The following MED30 variants were observed in gnomAD, a reference collection of about 807,000 sequenced individuals.
MED30 encodes the protein mediator complex subunit 30, also known as mediator of RNA polymerase II transcription subunit 30.
In MED30, 8 loss-of-function variants were observed where a neutral mutation model predicts 21.7. That is an observed-to-expected ratio of 0.37 (90% CI 0.22 to 0.67). The LOEUF is 0.67. Among genes scored for constraint, MED30 ranks in the 30% least tolerant of loss-of-function variants. MED30 has a pLI of 0.58. For missense variants in MED30, 203 were observed against 228.2 expected (o/e 0.89, Z 0.71); for synonymous variants, 79 against 86.7 (o/e 0.91, Z 0.49).
chr8:117,531,508 TC>T, intron 3 of MED30, among the ~76,000 whole-genome samples: 1 of 152,120 alleles, frequency 6.6e-6, no homozygotes, highest in Admixed American at 6.5e-5. Flanking sequence ...GTATTAATAA[TC>T]CACCACTGCC....
chr8:117,531,704 A>T (rs556905760), intron 3 of MED30, among the ~76,000 whole-genome samples: 13 of 151,738 alleles, frequency 8.6e-5, no homozygotes, highest in Admixed American at 5.9e-4. Context: ...TTTTTTTTTT[A>T]AATCTTTTTC....
intron 3 of MED30, among the ~76,000 whole-genome samples, chr8:117,534,560 G>A (rs1818839406): frequency 6.6e-6 from 1 of 152,108 alleles, no homozygotes; most frequent in African/African-American, 2.4e-5. Flanking sequence ...ATCAGTTTAG[G>A]TGTTTTAAAT....
chr8:117,538,524 C>A (rs1296342595), intron 3 of MED30, among the ~76,000 whole-genome samples: 1 of 151,924 alleles, frequency 6.6e-6, no homozygotes, highest in Non-Finnish European at 1.5e-5. Flanking sequence ...ATTGTTAGGC[C>A]TCTTTTTAAT....
intron 1 of MED30, among the ~76,000 whole-genome samples, chr8:117,527,074 G>A (rs371517692): frequency 1.3e-5 from 2 of 151,878 alleles, no homozygotes; most frequent in Admixed American, 6.6e-5. Context: ...GAAAATATGG[G>A]CAAAGTATTA....
At chr8:117,535,158 G>A (rs1818854225) in intron 3 of MED30, among the ~76,000 whole-genome samples, 1 of 149,676 alleles carries the variant, frequency 6.7e-6, no homozygotes, top group Non-Finnish European at 1.5e-5. Context: ...TAAGCTCTGT[G>A]TCTCCATTCT....
chr8:117,538,054 G>A (rs1301782798), intron 3 of MED30, among the ~76,000 whole-genome samples: 1 of 152,148 alleles, frequency 6.6e-6, no homozygotes, highest in Non-Finnish European at 1.5e-5. Context: ...TCTCTGTGAT[G>A]AAAAAGACTT....
intron 1 of MED30, among the ~76,000 whole-genome samples, chr8:117,525,567 C>T (rs1000944124): frequency 6.6e-6 from 1 of 151,954 alleles, no homozygotes; most frequent in Admixed American, 6.6e-5. Context: ...AGGTCTTCCC[C>T]ACTCAAATTA....
intron 3 of MED30, among the ~76,000 whole-genome samples, chr8:117,538,239 C>T (rs577492755): frequency 2.6e-5 from 4 of 152,178 alleles, no homozygotes; most frequent in South Asian, 4.1e-4. Flanking sequence ...TTTTGTTTCC[C>T]GAAGACTGTG....
intron 3 of MED30, among the ~76,000 whole-genome samples, chr8:117,535,442 G>T (rs1232653610): frequency 6.6e-6 from 1 of 151,758 alleles, no homozygotes; most frequent in Non-Finnish European, 1.5e-5. Context: ...TGTTGGTCAG[G>T]CTGGTCTCAA....
rs147709204 is a variant in MED30 at position 117,539,162 on chromosome 8, G to A, written c.442-721G>A. 2.0e-5 allele frequency among the ~76,000 whole-genome samples: 3 copies of A among 152,236 alleles called. No homozygotes were observed. In the East Asian group the frequency reaches 5.8e-4, roughly 29 times the overall value. On this transcript the variant is annotated intron_variant, in intron 3 of 3. Transcript: ENST00000297347. ...TTTCTGATGTGGAAACTAAAGTACC[G>A]GGAGGTTAAATAATTAGGTCAGTGT...
intron 1 of MED30, among the ~76,000 whole-genome samples, 169 bp from the exon 2 acceptor site, chr8:117,528,482 T>A (rs549841280): frequency 6.6e-6 from 1 of 151,976 alleles, no homozygotes; most frequent in East Asian, 1.9e-4. Flanking sequence ...TGTTAATAAA[T>A]GGGCATGCAT....
chr8:117,532,155 T>C (rs1818800880), intron 3 of MED30, among the ~76,000 whole-genome samples: 1 of 151,988 alleles, frequency 6.6e-6, no homozygotes, highest in East Asian at 1.9e-4. Flanking sequence ...GCAATACATA[T>C]TATAAAAATA....
intron 3 of MED30, among the ~76,000 whole-genome samples, chr8:117,535,165 T>C (rs1818854326): frequency 6.6e-6 from 1 of 151,958 alleles, no homozygotes; most frequent in Non-Finnish European, 1.5e-5. Flanking sequence ...TGTGTCTCCA[T>C]TCTAGAATAT....
Position 117,520,825 on chromosome 8 carries a change from AC to A in MED30, c.-48del, listed in dbSNP as rs1818596002. 1 of 1,485,474 alleles carries A rather than the reference AC, an allele frequency of 6.7e-7. No homozygotes were observed. The highest frequency in any genetic ancestry group is 2.3e-5 in the Admixed American group (1 of 44,296). The allele number at this position is 1,485,474 out of a possible 1,614,324, so 92.0% of individuals were successfully genotyped here. A position where few individuals can be genotyped will look rare whatever the true frequency, so the allele number is the denominator to read the frequency against. On this transcript the variant is annotated 5_prime_UTR_variant, in exon 1 of 4. Transcript: ENST00000297347. The stretch of plus-strand genomic sequence containing the variant: ...CCCACAGCCTCCCAATTCCGGGCAG[AC>A]CCCTGACACCTGCTGTCTGGCCCCT...
rs1430789926 is a variant in MED30, at chr8:117,520,777, C to G, written c.-100C>G. On this transcript the variant is annotated 5_prime_UTR_variant, in exon 1 of 4. Coordinates refer to ENST00000297347, the MANE Select transcript of MED30 (RefSeq NM_080651.4). The stretch of plus-strand genomic sequence containing the variant: ...TGAAATCGGGCCGCGGGGGGTCTCT[C>G]AAGCTGGTTCCAACGCTGAGGCCCC... The G allele has an allele frequency of 1.6e-6, 2 of 1,269,902 alleles. No individual in the cohort carries two copies. Among genetic ancestry groups the G allele is most frequent in the African/African-American group, 3.1e-5 (2 of 64,788 alleles). The allele number at this position is 1,269,902 out of a possible 1,614,324, so 78.7% of individuals were successfully genotyped here.
chr8:117,528,756 G>T lies in MED30; in HGVS notation c.283G>T (p.Val95Leu). 2 of 1,609,582 alleles carry T rather than the reference G, an allele frequency of 1.2e-6. No individual in the cohort carries two copies. Among genetic ancestry groups the T allele is most frequent in the South Asian group, 2.2e-5 (2 of 90,348 alleles). Residue 95 changes from valine to leucine, a missense_variant, in exon 2 of 4, where the codon GTA becomes TTA. Val to Leu is a conservative substitution (Grantham distance 32, BLOSUM62 1). Transcript: ENST00000297347. Reference protein sequence around the residue: ...LSVLFRKLRLVYDKCNENCGG... With the variant: ...LSVLFRKLRLLYDKCNENCGG... ...AGTTCTCTTCAGGAAGCTGAGATTG[G>T]TATATGACAAATGCAATGAAAACTG... is the stretch of plus-strand genomic sequence containing the variant.
chr8:117,539,073 A>G (rs1304366500), intron 3 of MED30, among the ~76,000 whole-genome samples: 1 of 152,260 alleles, frequency 6.6e-6, no homozygotes, highest in Non-Finnish European at 1.5e-5. Flanking sequence ...AATACTTGAC[A>G]TGAATCAGAC....
Position 117,539,892 on chromosome 8 carries a change from C to G in MED30, c.451C>G (p.Gln151Glu). Residue 151 changes from glutamine to glutamate, a missense_variant, in exon 4 of 4, where the codon CAG becomes GAG. By Grantham distance (29) the Gln-to-Glu change is conservative (BLOSUM62 2). Coordinates refer to ENST00000297347, the MANE Select transcript of MED30 (RefSeq NM_080651.4). ...TCTTTTGTTTCTACAGAAACTCAAA[C>G]AGAAGAATCAACAGCTGAAACAAAT... ...EIAEVNKKLK[Q>E]KNQQLKQIMD... is the part of the protein sequence containing the mutation. 1.3e-6 allele frequency: 2 copies of G among 1,598,516 alleles called. No individual in the cohort carries two copies. Among genetic ancestry groups the G allele is most frequent in the Non-Finnish European group, 1.7e-6 (2 of 1,169,910 alleles).
intron 1 of MED30, among the ~76,000 whole-genome samples, chr8:117,527,781 G>T (rs1239875454): frequency 1.3e-5 from 2 of 151,502 alleles, no homozygotes; most frequent in East Asian, 3.9e-4. Flanking sequence ...ACTAGAAAAC[G>T]TGGTACTGTG....
Sources: gnomAD v4.1 joint callset for allele counts (sites outside exome capture counted in the v4.1 genomes callset) on GRCh38, gnomAD v4.1.1 for gene constraint, MANE v1.5 for transcripts, NCBI Gene and HGNC (gene_info 2026-07-23, HGNC 2026-07-21) for gene names.